Variants in MTA3 observed in about 807,000 individuals in gnomAD.
MTA3 encodes the protein metastasis associated 1 family member 3.
MTA3 carries 34 observed loss-of-function variants against 83.5 expected under a neutral mutation model. The ratio of observed to expected loss-of-function variants is 0.41; its 90% CI spans 0.31 to 0.54. MTA3 has a LOEUF of 0.54. MTA3 is among the 20% of genes least tolerant of loss of function. The pLI is 0.33. For missense variants in MTA3, 761 were observed against 726.4 expected, an observed-to-expected ratio of 1.05 and a Z score of -0.55; for synonymous variants, 303 against 252.7, an observed-to-expected ratio of 1.20 and a Z score of -1.89.
In MTA3 at chr2:42,676,102, C is replaced by T. The variant is rs375766309; in HGVS notation, c.703-6299C>T. Among the ~76,000 whole-genome samples the T allele has an allele frequency of 3.6e-4, 55 of 152,314 alleles. 1 individual carries two copies. In the South Asian group the frequency reaches 0.011, roughly 32 times the overall value. On this transcript the variant is annotated intron_variant, in intron 8 of 16. Transcript: ENST00000405094. ...TGGAGGTTTCATATCTCCTGGTGAA[C>T]AGTAATTCCAATGTATTCTTTCTCA... is the stretch of plus-strand genomic sequence containing the variant.
chr2:42,559,604 C>A (rs1345060830), intron 2 of MTA3, among the ~76,000 whole-genome samples: 1 of 151,622 alleles, frequency 6.6e-6, no homozygotes, highest in Non-Finnish European at 1.5e-5. Context: ...TCTGGCCAGG[C>A]GCAGTGGCTC....
At position 42,644,132 on chromosome 2, in the gene MTA3, C is replaced by A; in HGVS notation, c.387C>A (p.Thr129=). 1 of 1,586,562 alleles carries A rather than the reference C, an allele frequency of 6.3e-7. No homozygotes were observed. Among genetic ancestry groups the A allele is most frequent in the East Asian group, 2.3e-5 (1 of 43,734 alleles). Residue 129 remains threonine (T), a synonymous_variant, in exon 6 of 17, where the codon ACC becomes ACA. Transcript: ENST00000405094. ...TATTTTGTCATATTTTTCAGGATAC[C>A]TTCTTCTACTCATTGGTCTATGACC... The part of the protein sequence containing the change: ...SVLSYLDKED[T]FFYSLVYDPS...
chr2:42,500,502 A>T (rs916667734), intron 2 of MTA3, among the ~76,000 whole-genome samples: 19 of 152,022 alleles, frequency 1.2e-4, no homozygotes, highest in Non-Finnish European at 7.4e-5. Context: ...ATGCCAGTGC[A>T]CTCCAGCCTG....
At chr2:42,707,076 T>G (rs1042294728) in intron 12 of MTA3, among the ~76,000 whole-genome samples, 6 of 149,674 alleles carry the variant, frequency 4.0e-5, no homozygotes, top group African/African-American at 1.5e-4. Context: ...GCAGTCCTGC[T>G]GCCTCAGTCT....
intron 1 of MTA3, 22 bp from the exon 2 acceptor site, chr2:42,570,415 T>C (rs1415894375): frequency 1.4e-6 from 2 of 1,436,516 alleles, no homozygotes; most frequent in Admixed American, 2.2e-5. Flanking sequence ...AAGATTAAGT[T>C]CTGTACTTCC....
intron 8 of MTA3, among the ~76,000 whole-genome samples, chr2:42,680,837 G>A (rs923120389): frequency 3.9e-5 from 6 of 152,066 alleles, no homozygotes; most frequent in South Asian, 4.2e-4. Flanking sequence ...CTGCAGCCTC[G>A]ACCTCCCTGG....
chr2:42,560,633 G>A (rs548751305), intron 2 of MTA3, among the ~76,000 whole-genome samples: 2 of 151,656 alleles, frequency 1.3e-5, no homozygotes, highest in East Asian at 1.9e-4. Flanking sequence ...GGCGTGGCAC[G>A]GTGGCTCACA....
chr2:42,585,930 C>T (rs979045497), intron 3 of MTA3, among the ~76,000 whole-genome samples: 1 of 151,920 alleles, frequency 6.6e-6, no homozygotes, highest in African/African-American at 2.4e-5. Context: ...AGAGTGACAC[C>T]TGTGTCTCTT....
At chr2:42,741,713 A>G (rs549647991) in intron 16 of MTA3, among the ~76,000 whole-genome samples, 3 of 152,244 alleles carry the variant, frequency 2.0e-5, no homozygotes, top group African/African-American at 7.2e-5. Context: ...GAAAGAACAC[A>G]CACATTTATC....
At chr2:42,551,177 CTTTT>C (rs1218784810) in intron 2 of MTA3, among the ~76,000 whole-genome samples, 5 of 150,064 alleles carry the variant, frequency 3.3e-5, no homozygotes, top group Admixed American at 6.6e-5. Flanking sequence ...GTGAATATTT[CTTTT>C]TTTTTTTTGT....
intron 3 of MTA3, among the ~76,000 whole-genome samples, chr2:42,607,519 T>C (rs1478459638): frequency 6.6e-6 from 1 of 151,978 alleles, no homozygotes; most frequent in Non-Finnish European, 1.5e-5. Flanking sequence ...GCTGGGACCA[T>C]GGGCTTGGCT....
intron 16 of MTA3, among the ~76,000 whole-genome samples, chr2:42,735,626 C>A (rs1366471426): frequency 5.3e-5 from 8 of 152,136 alleles, no homozygotes; most frequent in Non-Finnish European, 1.2e-4. Context: ...TTTTCTAGAT[C>A]TTTTAAGTGT....
rs192798490 is a variant in MTA3, at chr2:42,748,675, A to G, written c.1760-4699A>G. Among the ~76,000 whole-genome samples, 1,139 of 152,302 alleles carry G rather than the reference A, an allele frequency of 7.5e-3. 4 individuals are homozygous for G. Among genetic ancestry groups the G allele is most frequent in the Non-Finnish European group, 0.013 (879 of 68,028 alleles). On this transcript the variant is annotated intron_variant, in intron 16 of 16. Transcript: ENST00000405094. ...GCTAATTCTAACATCTGAATTATCC[A>G]TTAATCTAGGGACTGTTTTTTCTTT...
chr2:42,547,460 A>C (rs1676807110), intron 2 of MTA3, among the ~76,000 whole-genome samples: 1 of 152,222 alleles, frequency 6.6e-6, no homozygotes, highest in South Asian at 2.1e-4. Flanking sequence ...CGTAAGTAGT[A>C]GCTGGGATTA....
At chr2:42,560,277 C>T (rs1677604367) in intron 2 of MTA3, among the ~76,000 whole-genome samples, 1 of 151,232 alleles carries the variant, frequency 6.6e-6, no homozygotes, top group South Asian at 2.1e-4. Flanking sequence ...CTGCGTCGGC[C>T]TCCCAAAGTG....
intron 2 of MTA3, among the ~76,000 whole-genome samples, chr2:42,527,174 T>G (rs1675754389): frequency 6.6e-6 from 1 of 151,534 alleles, no homozygotes; most frequent in Non-Finnish European, 1.5e-5. Flanking sequence ...GGAGCTCACC[T>G]GAACCAATCA....
intron 2 of MTA3, among the ~76,000 whole-genome samples, chr2:42,530,443 C>T (rs1310606006): frequency 6.6e-6 from 1 of 151,158 alleles, no homozygotes; most frequent in African/African-American, 2.4e-5. Flanking sequence ...GCCGAGATGG[C>T]GCCACTGCAC....
intron 3 of MTA3, among the ~76,000 whole-genome samples, chr2:42,606,492 C>G (rs978442001): frequency 6.7e-6 from 1 of 149,480 alleles, no homozygotes; most frequent in African/African-American, 2.5e-5. Context: ...TGCGGCCGGG[C>G]AGAGACGCCC....
At chr2:42,669,676 AGT>A (rs1690620989) in intron 8 of MTA3, among the ~76,000 whole-genome samples, 1 of 152,178 alleles carries the variant, frequency 6.6e-6, no homozygotes, top group African/African-American at 2.4e-5. Context: ...ATTACAGATG[AGT>A]GTGGAGACGC....
Sources: gnomAD v4.1 joint callset for allele counts (sites outside exome capture counted in the v4.1 genomes callset) on GRCh38, gnomAD v4.1.1 for gene constraint, MANE v1.5 for transcripts, NCBI Gene and HGNC (gene_info 2026-07-23, HGNC 2026-07-21) for gene names.